OSBPL3: variants seen among roughly 807,000 people sequenced by gnomAD.
OSBPL3 encodes oxysterol-binding protein-related protein 3.
OSBPL3 carries 65 observed loss-of-function variants against 120.1 expected under a neutral mutation model. That is an observed-to-expected ratio of 0.54 (90% CI 0.44 to 0.67). The LOEUF (loss-of-function observed/expected upper bound fraction) is 0.67. OSBPL3 is among the 30% of genes least tolerant of loss of function. The pLI is 0.00. For missense variants in OSBPL3, 1,004 were observed against 1,082.1 expected (o/e 0.93, Z 1.01); for synonymous variants, 416 against 402.6 (o/e 1.03, Z -0.40).
intron 1 of OSBPL3, among the ~76,000 whole-genome samples, chr7:24,909,522 G>C (rs1271283214): frequency 6.6e-6 from 1 of 152,174 alleles, no homozygotes; most frequent in Non-Finnish European, 1.5e-5. Context: ...TTACATGAGA[G>C]AGAAATAAAC....
chr7:24,878,301 G>C (rs1183093223), intron 2 of OSBPL3, among the ~76,000 whole-genome samples: 1 of 152,210 alleles, frequency 6.6e-6, no homozygotes, highest in Non-Finnish European at 1.5e-5. Context: ...CAGCTCAAGA[G>C]TGTTGGGGAA....
intron 1 of OSBPL3, among the ~76,000 whole-genome samples, chr7:24,974,920 G>A (rs925017208): frequency 6.6e-6 from 1 of 152,138 alleles, no homozygotes; most frequent in African/African-American, 2.4e-5. Flanking sequence ...AAATTATGGT[G>A]ATGGTTGCAC....
At chr7:24,892,133 C>T (rs1421688376) in intron 2 of OSBPL3, among the ~76,000 whole-genome samples, 2 of 152,126 alleles carry the variant, frequency 1.3e-5, no homozygotes, top group Non-Finnish European at 1.5e-5. Context: ...TTAAAATCTA[C>T]ATTGGGGGAC....
At position 24,805,670 on chromosome 7, in the gene OSBPL3, G is replaced by A. The variant is rs1792941739; in HGVS notation, c.2444+1106C>T. ...GATAGCTTGAAGCATTCTATGTATG[G>A]CTTTCTTTAAAATAAATTAGGGGAA... On this transcript the variant is annotated intron_variant, in intron 21 of 22. Coordinates refer to ENST00000313367, the MANE Select transcript of OSBPL3 (RefSeq NM_015550.4). The surrounding 1 kb of genome is among the most constrained non-coding windows in gnomAD (Gnocchi z 4.0). 6.6e-6 allele frequency among the ~76,000 whole-genome samples: 1 copy of A among 152,136 alleles called. No homozygotes were observed. The highest frequency in any genetic ancestry group is 6.5e-5 in the Admixed American group (1 of 15,270).
chr7:24,915,630 G>A (rs1809447399), intron 1 of OSBPL3, among the ~76,000 whole-genome samples: 1 of 150,826 alleles, frequency 6.6e-6, no homozygotes, highest in Non-Finnish European at 1.5e-5. Flanking sequence ...CTGGAGTGCA[G>A]TGGTACAATC....
At position 24,912,754 on chromosome 7, in the gene OSBPL3, C is replaced by T. The variant is rs996987434; in HGVS notation, c.-149-20133G>A. On this transcript the variant is annotated intron_variant, in intron 1 of 22. Coordinates refer to ENST00000313367, the MANE Select transcript of OSBPL3 (RefSeq NM_015550.4). This position sits in a 1 kb window ranked among gnomAD's most constrained non-coding sequence, Gnocchi z 4.5. ...GACCATACCAATGTACATCCCATCC[C>T]ACATGCTCCTCTAACAAAGTGACCG... 2.6e-5 allele frequency among the ~76,000 whole-genome samples: 4 copies of T among 152,202 alleles called. No individual in the cohort carries two copies. Among genetic ancestry groups the T allele is most frequent in the African/African-American group, 4.8e-5 (2 of 41,448 alleles).
At chr7:24,847,579 T>C (rs1397801614) in intron 12 of OSBPL3, among the ~76,000 whole-genome samples, 2 of 152,248 alleles carry the variant, frequency 1.3e-5, no homozygotes, top group Admixed American at 1.3e-4. Context: ...CTTGTGATTT[T>C]GGTTTCCTTT....
chr7:24,870,580 C>CA (rs1382397230), intron 5 of OSBPL3, 152 bp downstream of exon 5: 12 of 606,428 alleles, frequency 2.0e-5, no homozygotes, highest in African/African-American at 1.6e-4. Context: ...AATGACGTCC[C>CA]ATTCAAATAC....
At position 24,979,872 on chromosome 7, in the gene OSBPL3, G is replaced by A. The variant is rs1818086604; in HGVS notation, c.-150+14C>T. On this transcript the variant is annotated intron_variant, in intron 1 of 22. Transcript: ENST00000313367. ...ACACCCAGGCCCCATTTAGGCGGGC[G>A]CCCCGCCACTCACCTGAGCGCTGTG... The A allele has an allele frequency of 3.2e-6, 3 of 923,838 alleles. No individual in the cohort carries two copies. Among genetic ancestry groups the A allele is most frequent in the South Asian group, 5.0e-5 (1 of 19,956 alleles). 57.2% of individuals were successfully genotyped at this position (923,838 alleles called of 1,614,324 possible).
At chr7:24,960,800 CA>C (rs1262379620) in intron 1 of OSBPL3, among the ~76,000 whole-genome samples, 1 of 152,172 alleles carries the variant, frequency 6.6e-6, no homozygotes, top group Non-Finnish European at 1.5e-5. Flanking sequence ...TCATCTTGGT[CA>C]ATGTACAAAA....
intron 1 of OSBPL3, among the ~76,000 whole-genome samples, chr7:24,920,471 GC>G (rs972919816): frequency 2.6e-5 from 4 of 152,108 alleles, no homozygotes; most frequent in African/African-American, 9.7e-5. Context: ...AAAAATGTTT[GC>G]CAGGGGCTGG....
At chr7:24,811,491 T>C (rs940518089) in intron 19 of OSBPL3, among the ~76,000 whole-genome samples, 2 of 152,246 alleles carry the variant, frequency 1.3e-5, no homozygotes, top group Non-Finnish European at 2.9e-5. Flanking sequence ...TTGTTTCCTT[T>C]GCTGTTTAGT....
intron 1 of OSBPL3, among the ~76,000 whole-genome samples, chr7:24,969,562 T>C (rs925207478): frequency 6.6e-6 from 1 of 152,220 alleles, no homozygotes; most frequent in Non-Finnish European, 1.5e-5. Context: ...AAGTGTATTG[T>C]ATTTTTTTGT....
chr7:24,885,352 T>C lies in OSBPL3; in HGVS notation c.96+7025A>G, dbSNP rs145146148. ...TCCCTCCTTGGCAAATTCTTCCCCA[T>C]TCCACTCACCTGTTTTATGAGTTCC... On this transcript the variant is annotated intron_variant, in intron 2 of 22. Coordinates refer to ENST00000313367, the MANE Select transcript of OSBPL3 (RefSeq NM_015550.4). Among the ~76,000 whole-genome samples the C allele has an allele frequency of 4.1e-4, 63 of 152,256 alleles. No individual in the cohort carries two copies. The East Asian group carries it at 0.01, about 24-fold the overall frequency.
rs749493662 is a variant in OSBPL3, at chr7:24,870,771, G to A, written c.342C>T (p.Cys114=). ...TGTGCTCCTCGGTGTCAAGGTCTATGCATTTTGATGACTTCTTTACAGACA... is the reference window on the plus strand; with the variant it reads ...TGTGCTCCTCGGTGTCAAGGTCTATACATTTTGATGACTTCTTTACAGACA... ...SVMSVKKSSK[C]IDLDTEEHIY... Residue 114 remains cysteine (C), a synonymous_variant, in exon 5 of 23, where the codon TGC becomes TGT. Coordinates refer to ENST00000313367, the MANE Select transcript of OSBPL3 (RefSeq NM_015550.4). 6.2e-7 allele frequency: 1 copy of A among 1,612,826 alleles called. No homozygotes were observed. Among genetic ancestry groups the A allele is most frequent in the Non-Finnish European group, 8.5e-7 (1 of 1,178,882 alleles).
At chr7:24,927,830 G>C (rs899536528) in intron 1 of OSBPL3, among the ~76,000 whole-genome samples, 1 of 151,730 alleles carries the variant, frequency 6.6e-6, no homozygotes, top group Non-Finnish European at 1.5e-5. Flanking sequence ...ATCTCTTTTT[G>C]TAAAGAAAAA....
chr7:24,888,005 G>A (rs7798909), intron 2 of OSBPL3, among the ~76,000 whole-genome samples: 18,460 of 152,102 alleles, frequency 0.12, 1,514 homozygotes, highest in African/African-American at 0.22. Flanking sequence ...TATTGTATTC[G>A]TCACAAAAGC....
At position 24,917,401 on chromosome 7, in the gene OSBPL3, C is replaced by CATATATATATATATATATAT. The variant is rs59525014; in HGVS notation, c.-149-24800_-149-24781dup. On this transcript the variant is annotated intron_variant, in intron 1 of 22. Transcript: ENST00000313367. ...TTGTAACATATATATATATTTGTAA[C>CATATATATATATATATATAT]ATATATATATATATATATATATATA... is the stretch of plus-strand genomic sequence containing the variant. 6.6e-3 allele frequency among the ~76,000 whole-genome samples: 659 copies of CATATATATATATATATATAT among 99,882 alleles called. 5 individuals carry two copies. The highest frequency in any genetic ancestry group is 9.2e-3 in the Admixed American group (86 of 9,324). The allele number at this position is 99,882 out of a possible 152,430, so 65.5% of individuals were successfully genotyped here. A position where few individuals can be genotyped will look rare whatever the true frequency, so the allele number is the denominator to read the frequency against.
intron 1 of OSBPL3, among the ~76,000 whole-genome samples, chr7:24,974,494 G>A (rs149985962): frequency 9.9e-4 from 151 of 152,286 alleles, no homozygotes; most frequent in African/African-American, 3.5e-3. Context: ...TCTTGTGCCA[G>A]GTTCTGTTCT....
Sources: gnomAD v4.1 joint callset for allele counts (sites outside exome capture counted in the v4.1 genomes callset) on GRCh38, gnomAD v4.1.1 for gene constraint, Gnocchi (gnomAD v3.1) non-coding constraint, MANE v1.5 for transcripts, NCBI Gene and HGNC (gene_info 2026-07-23, HGNC 2026-07-21) for gene names.